The following ATP10B variants were observed in gnomAD, a reference collection of about 807,000 sequenced individuals.
ATP10B encodes ATPase phospholipid transporting 10B (putative).
ATP10B carries 122 observed loss-of-function variants against 141.2 expected under a neutral mutation model. The observed-to-expected ratio is 0.86, with a 90% CI of 0.75 to 1.00. ATP10B has a LOEUF of 1.00. Ranked by LOEUF, ATP10B falls within the 50% of genes least tolerant of loss-of-function variation. The pLI is 0.00. For missense variants in ATP10B, 1,876 were observed against 1,825.3 expected (o/e 1.03, Z -0.51); for synonymous variants, 685 against 692.0 (o/e 0.99, Z 0.16).
At chr5:160,673,701 G>C (rs1160188938) in intron 6 of ATP10B, among the ~76,000 whole-genome samples, 2 of 148,496 alleles carry the variant, frequency 1.3e-5, no homozygotes. Context: ...TATATTTAGG[G>C]TGGGAACTCC....
intron 2 of ATP10B, among the ~76,000 whole-genome samples, chr5:160,772,160 A>G (rs1222642270): frequency 2.6e-5 from 4 of 152,258 alleles, no homozygotes; most frequent in Non-Finnish European, 5.9e-5. Flanking sequence ...TTGCTGGATC[A>G]TATGGTAATT....
chr5:160,913,976 G>A, the ATP10B span, among the ~76,000 whole-genome samples: 1 of 152,186 alleles, frequency 6.6e-6, no homozygotes, highest in Non-Finnish European at 1.5e-5. Flanking sequence ...GTCCTTGCTT[G>A]ATGTGTCATA....
intron 3 of ATP10B, among the ~76,000 whole-genome samples, chr5:160,689,756 A>G (rs1241858598): frequency 6.6e-6 from 1 of 152,204 alleles, no homozygotes; most frequent in Non-Finnish European, 1.5e-5. Flanking sequence ...AGGAAAAATC[A>G]ATATCGTGAA....
the ATP10B span, among the ~76,000 whole-genome samples, chr5:160,880,220 T>TA: frequency 6.3e-5 from 3 of 47,832 alleles, no homozygotes; most frequent in East Asian, 3.4e-3. Flanking sequence ...ATATAAAATA[T>TA]AAATAAAATA....
At chr5:160,646,789 G>A (rs373920594) in intron 8 of ATP10B, among the ~76,000 whole-genome samples, 2 of 152,220 alleles carry the variant, frequency 1.3e-5, no homozygotes, top group African/African-American at 4.8e-5. Context: ...TGGTAGAAAA[G>A]GATTTGCTAT....
intron 1 of ATP10B, among the ~76,000 whole-genome samples, chr5:160,812,542 TAAG>T (rs962171952): frequency 2.7e-4 from 41 of 152,134 alleles, no homozygotes; most frequent in African/African-American, 9.9e-4. Context: ...AGATAAATTT[TAAG>T]AAGAGTTTGA....
At chr5:160,616,076 A>C in intron 16 of ATP10B, 112 bp from the exon 17 acceptor site, 2 of 1,152,646 alleles carry the variant, frequency 1.7e-6, no homozygotes, top group Non-Finnish European at 2.4e-6. Context: ...TCCCTACATA[A>C]TTAGATGGGG....
intron 2 of ATP10B, among the ~76,000 whole-genome samples, chr5:160,722,954 C>A (rs1273795274): frequency 6.6e-6 from 1 of 152,174 alleles, no homozygotes; most frequent in Non-Finnish European, 1.5e-5. Context: ...AGATTACTGT[C>A]CATGGAATCT....
rs1014500388 is a variant in ATP10B at position 160,787,873 on chromosome 5, C to T, written c.-575-2070G>A. On this transcript the variant is annotated intron_variant, in intron 1 of 25. Transcript: ENST00000327245. ...CCATAGTCCGTATCCAGCTAATAGACGGTATTATTCCCCCTTATTAATTAG... is the reference window on the plus strand; with the variant it reads ...CCATAGTCCGTATCCAGCTAATAGATGGTATTATTCCCCCTTATTAATTAG... Among the ~76,000 whole-genome samples the T allele has an allele frequency of 5.3e-5, 8 of 152,106 alleles. No homozygotes were observed. The East Asian group carries it at 5.8e-4, about 11-fold the overall frequency.
chr5:160,705,028 C>T (rs1764917246), intron 3 of ATP10B, among the ~76,000 whole-genome samples: 1 of 149,568 alleles, frequency 6.7e-6, no homozygotes, highest in Non-Finnish European at 1.5e-5. Context: ...ATGCCATTCT[C>T]CTGCCTCAGC....
the ATP10B span, among the ~76,000 whole-genome samples, chr5:160,899,493 T>C: frequency 6.6e-6 from 1 of 152,158 alleles, no homozygotes; most frequent in Non-Finnish European, 1.5e-5. Flanking sequence ...TCACAGGGTA[T>C]GTCTAAGTTA....
At chr5:160,577,011 G>A (rs1581139660) in intron 24 of ATP10B, among the ~76,000 whole-genome samples, 1 of 152,186 alleles carries the variant, frequency 6.6e-6, no homozygotes, top group African/African-American at 2.4e-5. Flanking sequence ...CAGCTGGAAT[G>A]CTGATCCCTG....
intron 1 of ATP10B, among the ~76,000 whole-genome samples, chr5:160,807,096 A>G (rs764695335): frequency 6.6e-6 from 1 of 152,228 alleles, no homozygotes; most frequent in Non-Finnish European, 1.5e-5. Flanking sequence ...ATACCTGTTA[A>G]AAAGGAATGA....
chr5:160,645,116 TA>T (rs55774256), intron 8 of ATP10B, among the ~76,000 whole-genome samples: 47,535 of 134,332 alleles, frequency 0.35, 9,757 homozygotes, highest in Non-Finnish European at 0.49. Context: ...GACTCCATCT[TA>T]AAAAAAAAAA....
At chr5:160,755,651 T>A in intron 2 of ATP10B, among the ~76,000 whole-genome samples, 1 of 148,132 alleles carries the variant, frequency 6.8e-6, no homozygotes, top group Non-Finnish European at 1.5e-5. Flanking sequence ...CCGTCTCTAC[T>A]AAAAATACAA....
At chr5:160,829,682 T>C (rs558954455) in intron 1 of ATP10B, among the ~76,000 whole-genome samples, 1 of 152,242 alleles carries the variant, frequency 6.6e-6, no homozygotes, top group East Asian at 1.9e-4. Flanking sequence ...TCTCATTCGT[T>C]AGCTGGATTT....
chr5:160,706,830 T>C (rs4921314), intron 3 of ATP10B, among the ~76,000 whole-genome samples: 130,933 of 152,094 alleles, frequency 0.86, 56,500 homozygotes, highest in East Asian at 0.9. Flanking sequence ...AATTAGAAAG[T>C]ATTTCAAATT....
chr5:160,925,245 T>G, the ATP10B span, among the ~76,000 whole-genome samples: 1 of 152,242 alleles, frequency 6.6e-6, no homozygotes, highest in Non-Finnish European at 1.5e-5. Context: ...CTTACACTTA[T>G]ACAAGATGGG....
At chr5:160,653,656 CAT>C in intron 7 of ATP10B, among the ~76,000 whole-genome samples, 1 of 74,990 alleles carries the variant, frequency 1.3e-5, no homozygotes, top group Non-Finnish European at 2.4e-5. Context: ...ATTATATATA[CAT>C]ATATACATAT....
Sources: allele counts gnomAD v4.1 joint callset (sites outside exome capture counted in the v4.1 genomes callset), GRCh38; gene constraint gnomAD v4.1.1; transcripts MANE v1.5; gene names NCBI Gene and HGNC (gene_info 2026-07-23, HGNC 2026-07-21).